The following RAP1GAP2 variants were observed in gnomAD, a reference collection of about 807,000 sequenced individuals.
RAP1GAP2 encodes RAP1 GTPase activating protein 2, also known as rap1 GTPase-activating protein 2.
A neutral mutation model predicts 95.0 loss-of-function variants in RAP1GAP2; 27 were observed. That is an observed-to-expected ratio of 0.28 (90% CI 0.21 to 0.39). RAP1GAP2 has a LOEUF of 0.39. RAP1GAP2 is among the 10% of genes least tolerant of loss of function. The pLI, the probability that RAP1GAP2 is intolerant of heterozygous loss-of-function variation, is 1.00. For missense variants in RAP1GAP2, 771 were observed against 970.0 expected (o/e 0.79, Z 2.72); for synonymous variants, 373 against 380.9 (o/e 0.98, Z 0.24).
intron 3 of RAP1GAP2, among the ~76,000 whole-genome samples, chr17:2,936,607 G>A (rs549666316): frequency 1.3e-5 from 2 of 152,154 alleles, no homozygotes; most frequent in African/African-American, 4.8e-5. Flanking sequence ...CTCCCCCGGT[G>A]CCCCAAAATG....
At chr17:2,911,532 C>T (rs2042381620) in intron 3 of RAP1GAP2, among the ~76,000 whole-genome samples, 1 of 151,928 alleles carries the variant, frequency 6.6e-6, no homozygotes, top group Admixed American at 6.6e-5. Flanking sequence ...TCCCCTGGGT[C>T]ACATCGAAGC....
chr17:3,016,300 G>A (rs1243354151), intron 17 of RAP1GAP2, among the ~76,000 whole-genome samples: 1 of 152,230 alleles, frequency 6.6e-6, no homozygotes, highest in African/African-American at 2.4e-5. Flanking sequence ...TCTGCCACTG[G>A]CAAGAGGATA....
chr17:2,824,925 C>G (rs776071384), intron 2 of RAP1GAP2, among the ~76,000 whole-genome samples: 1 of 151,936 alleles, frequency 6.6e-6, no homozygotes, highest in Non-Finnish European at 1.5e-5. Flanking sequence ...TACCCCAAAA[C>G]GTATCATGCT....
intron 1 of RAP1GAP2, among the ~76,000 whole-genome samples, chr17:2,785,743 TCTTC>T (rs1168780443): frequency 1.3e-5 from 2 of 152,182 alleles, no homozygotes; most frequent in African/African-American, 4.8e-5. Flanking sequence ...AATAAAAACC[TCTTC>T]CTTCTTTAAT....
chr17:2,884,476 G>A (rs1443137347), intron 2 of RAP1GAP2, among the ~76,000 whole-genome samples: 3 of 149,550 alleles, frequency 2.0e-5, no homozygotes, highest in African/African-American at 4.9e-5. Flanking sequence ...CGGTTCAAGC[G>A]ATTCTCCTGC....
At chr17:2,875,966 C>A (rs1281568147) in intron 2 of RAP1GAP2, among the ~76,000 whole-genome samples, 1 of 150,158 alleles carries the variant, frequency 6.7e-6, no homozygotes, top group African/African-American at 2.5e-5. Context: ...GAGATGGAAT[C>A]TGGCTCTGTC....
chr17:3,015,084 C>T lies in RAP1GAP2; in HGVS notation c.1495-2977C>T, dbSNP rs1470680989. 2.0e-5 allele frequency among the ~76,000 whole-genome samples: 3 copies of T among 152,170 alleles called. No individual in the cohort carries two copies. The East Asian group carries it at 5.8e-4, about 29-fold the overall frequency. On this transcript the variant is annotated intron_variant, in intron 17 of 24. Coordinates refer to ENST00000254695, the MANE Select transcript of RAP1GAP2 (RefSeq NM_015085.5). ...CAGTGTGCCACCACCCCTGTCCTGC[C>T]CTCAGTTGTTCAAAGGGTACATGGC...
intron 3 of RAP1GAP2, among the ~76,000 whole-genome samples, chr17:2,945,002 T>A (rs1427440678): frequency 6.6e-6 from 1 of 152,038 alleles, no homozygotes; most frequent in Non-Finnish European, 1.5e-5. Context: ...CCTGCCTCAG[T>A]AGCTGGGATT....
At chr17:2,880,418 A>G (rs1221334902) in intron 2 of RAP1GAP2, among the ~76,000 whole-genome samples, 4 of 151,392 alleles carry the variant, frequency 2.6e-5, no homozygotes, top group Admixed American at 2.0e-4. Context: ...AGGAGGACAG[A>G]ATAATCCACC....
chr17:3,021,430 CTTTTTTTTTTTTT>C (rs57099220), intron 19 of RAP1GAP2, among the ~76,000 whole-genome samples: 16 of 95,766 alleles, frequency 1.7e-4, no homozygotes, highest in Non-Finnish European at 2.4e-4. Context: ...CGATATTTGT[CTTTTTTTTTTTTT>C]TTTTTTTTTT....
chr17:2,990,793 G>A (rs2045724762), intron 11 of RAP1GAP2, among the ~76,000 whole-genome samples: 1 of 151,544 alleles, frequency 6.6e-6, no homozygotes, highest in African/African-American at 2.4e-5. Flanking sequence ...TGGGTGGGAA[G>A]TGGTATATCA....
At chr17:2,784,295 G>C (rs544149287) in intron 1 of RAP1GAP2, among the ~76,000 whole-genome samples, 1 of 147,964 alleles carries the variant, frequency 6.8e-6, no homozygotes, top group South Asian at 2.2e-4. Flanking sequence ...TTTAGAGACA[G>C]AGTCTCGCTC....
intron 2 of RAP1GAP2, among the ~76,000 whole-genome samples, chr17:2,830,649 A>C (rs748133377): frequency 1.3e-5 from 2 of 150,390 alleles, no homozygotes; most frequent in African/African-American, 4.9e-5. Context: ...GGGAGGCGGA[A>C]GTTGCAGTGA....
At chr17:2,781,770 CTG>C (rs1386400591) in intron 1 of RAP1GAP2, among the ~76,000 whole-genome samples, 10 of 142,782 alleles carry the variant, frequency 7.0e-5, no homozygotes, top group South Asian at 2.2e-4. Context: ...GTGTGCACGT[CTG>C]TGTGTGCACG....
intron 17 of RAP1GAP2, among the ~76,000 whole-genome samples, chr17:3,013,448 G>A (rs34184107): frequency 0.049 from 7,501 of 152,174 alleles, 250 homozygotes; most frequent in Non-Finnish European, 0.075. Context: ...TTGGAGCAGA[G>A]TTGGCATCTG....
intron 2 of RAP1GAP2, among the ~76,000 whole-genome samples, chr17:2,849,020 G>A (rs997086026): frequency 2.8e-4 from 43 of 152,248 alleles, no homozygotes; most frequent in African/African-American, 9.4e-4. Context: ...AGGTGTGAGC[G>A]TTCAGCTGTG....
chr17:2,891,128 A>C (rs898468953), intron 2 of RAP1GAP2, among the ~76,000 whole-genome samples: 2 of 150,626 alleles, frequency 1.3e-5, no homozygotes, highest in African/African-American at 2.4e-5. Flanking sequence ...TTTGTTTTCT[A>C]TGGACCTATC....
intron 19 of RAP1GAP2, among the ~76,000 whole-genome samples, chr17:3,022,524 A>G (rs1265111213): frequency 6.6e-6 from 1 of 152,174 alleles, no homozygotes; most frequent in African/African-American, 2.4e-5. Context: ...TGCTATTTGT[A>G]TGTCTTCTTT....
Position 2,904,567 on chromosome 17 carries a change from T to TGTAC in RAP1GAP2, c.81-714_81-711dup, listed in dbSNP as rs1567761596. Among the ~76,000 whole-genome samples the TGTAC allele has an allele frequency of 6.6e-6, 1 of 151,762 alleles. No homozygotes were observed. The highest frequency in any genetic ancestry group is 1.5e-5 in the Non-Finnish European group (1 of 67,904). On this transcript the variant is annotated intron_variant, in intron 2 of 24. Transcript: ENST00000254695. The surrounding 1 kb of genome is among the most constrained non-coding windows in gnomAD (Gnocchi z 4.7). ...GTGTGTGTGTGTGTGTGTGTGTGTG[T>TGTAC]GTACGTGCAGAGGGGCTCAAGGGAG...
Sources: gnomAD v4.1 joint callset for allele counts (sites outside exome capture counted in the v4.1 genomes callset) on GRCh38, gnomAD v4.1.1 for gene constraint, Gnocchi (gnomAD v3.1) non-coding constraint, MANE v1.5 for transcripts, NCBI Gene and HGNC (gene_info 2026-07-23, HGNC 2026-07-21) for gene names.